The following TRPC5 variants were observed in gnomAD, a reference collection of about 807,000 sequenced individuals.
The protein encoded by TRPC5 is transient receptor potential cation channel subfamily C member 5.
Under a neutral mutation model 56.5 loss-of-function variants are expected in TRPC5, and 9 were observed. The observed-to-expected ratio is 0.16, with a 90% CI of 0.10 to 0.28. TRPC5 has a LOEUF of 0.28. Ranked by LOEUF, TRPC5 falls within the 10% of genes least tolerant of loss-of-function variation. TRPC5 has a pLI of 1.00. For synonymous variants in TRPC5, 282 were observed against 278.5 expected (o/e 1.01, Z -0.13); for missense variants, 469 against 748.9 (o/e 0.63, Z 4.36).
Position 111,779,034 on chromosome X carries a change from A to G in TRPC5, c.2183T>C (p.Met728Thr), listed in dbSNP as rs949529760. The change falls in exon 10 of 11, where the codon ATG (methionine) becomes ACG (threonine). Residue 728 changes from methionine to threonine, a missense_variant. By Grantham distance (81) the Met-to-Thr change is moderately conservative (BLOSUM62 -1). Coordinates refer to ENST00000262839, the MANE Select transcript of TRPC5 (RefSeq NM_012471.3). The stretch of plus-strand genomic sequence containing the variant: ...CTCATGTGTTTTGGAATTTCTTATC[A>G]TAGCAGCCACATATCTTTTGACTAA... ...RNLVKRYVAA[M>T]IRNSKTHEGL... is the part of the protein sequence containing the mutation. 2 of 1,205,456 alleles carry G rather than the reference A, an allele frequency of 1.7e-6. No individual in the cohort carries two copies. The highest frequency in any genetic ancestry group is 2.2e-6 in the Non-Finnish European group (2 of 892,482).
chrX:111,928,186 C>T (rs896007639), intron 2 of TRPC5, among the ~76,000 whole-genome samples: 2 of 111,460 alleles, frequency 1.8e-5, no homozygotes, highest in Admixed American at 9.5e-5. Context: ...TCATGATAAA[C>T]AATTGATTAT....
intron 2 of TRPC5, among the ~76,000 whole-genome samples, chrX:111,933,863 A>G (rs1380861615): frequency 9.0e-6 from 1 of 110,737 alleles, no homozygotes; most frequent in Admixed American, 9.6e-5. Context: ...ACATCCCCCA[A>G]AATAATTTAT....
At chrX:111,899,282 T>C (rs1330906651) in intron 3 of TRPC5, among the ~76,000 whole-genome samples, 1 of 111,791 alleles carries the variant, frequency 8.9e-6, no homozygotes, top group Non-Finnish European at 1.9e-5. Context: ...TACATTTCTC[T>C]TATAAGAGAG....
intron 7 of TRPC5, among the ~76,000 whole-genome samples, chrX:111,823,421 G>A (rs756120685): frequency 3.6e-5 from 4 of 111,795 alleles, no homozygotes; most frequent in Non-Finnish European, 7.5e-5. Flanking sequence ...GAGGCTTTAG[G>A]CATGCAAAGA....
intron 7 of TRPC5, among the ~76,000 whole-genome samples, chrX:111,806,101 T>A (rs1480180105): frequency 8.9e-5 from 10 of 112,334 alleles, no homozygotes; most frequent in Non-Finnish European, 1.7e-4. Flanking sequence ...ATTTTCTATA[T>A]CATGAATTTT....
At chrX:112,006,893 C>T (rs1254234191) in intron 1 of TRPC5, among the ~76,000 whole-genome samples, 1 of 111,442 alleles carries the variant, frequency 9.0e-6, no homozygotes, top group African/African-American at 3.3e-5. Context: ...AATTGCAGGG[C>T]TCCTTGTTAA....
At chrX:112,055,130 C>G (rs1036606932) in intron 1 of TRPC5, among the ~76,000 whole-genome samples, 2 of 112,276 alleles carry the variant, frequency 1.8e-5, no homozygotes, top group South Asian at 7.3e-4. Context: ...ATTATACTGT[C>G]TAGTTTTAAT....
intron 7 of TRPC5, among the ~76,000 whole-genome samples, chrX:111,812,365 C>T (rs1921736894): frequency 9.0e-6 from 1 of 111,313 alleles, no homozygotes; most frequent in Non-Finnish European, 1.9e-5. Context: ...TTTAGCTAAG[C>T]ATTTTGAAAA....
At chrX:112,077,958 G>C (rs1242292122) in intron 1 of TRPC5, among the ~76,000 whole-genome samples, 1 of 110,982 alleles carries the variant, frequency 9.0e-6, no homozygotes, top group Non-Finnish European at 1.9e-5. Flanking sequence ...ACATGCATTT[G>C]GGGGGCTGAT....
At chrX:112,080,395 TACACACACACACACACACAC>T (rs201063739) in intron 1 of TRPC5, among the ~76,000 whole-genome samples, 40 of 79,177 alleles carry the variant, frequency 5.1e-4, no homozygotes, top group African/African-American at 1.8e-3. Context: ...AAAAACTACA[TACACACACACACACACACAC>T]ACACACACAC....
rs1472244501 is a variant in TRPC5, at chrX:112,081,953, C to T, written c.-96G>A. 9.0e-6 allele frequency: 1 copy of T among 111,721 alleles called. No homozygotes were observed. The highest frequency in any genetic ancestry group is 1.9e-5 in the Non-Finnish European group (1 of 53,213). The allele number at this position is 111,721 out of a possible 1,213,427, so 9.2% of individuals were successfully genotyped here. ...ACCGGCCAGGATGCGTGGTGCGGCG[C>T]CTTGCCGGACTCCTCTTTTGCGGCG... On this transcript the variant is annotated 5_prime_UTR_variant, in exon 1 of 11. Transcript: ENST00000262839.
At chrX:111,983,657 GAAC>G (rs1163554680) in intron 1 of TRPC5, among the ~76,000 whole-genome samples, 2 of 111,386 alleles carry the variant, frequency 1.8e-5, no homozygotes, top group Non-Finnish European at 3.8e-5. Flanking sequence ...TCAAGCTAGT[GAAC>G]AACTAGGTAC....
At chrX:111,918,089 C>T (rs1165237020) in intron 2 of TRPC5, among the ~76,000 whole-genome samples, 1 of 110,712 alleles carries the variant, frequency 9.0e-6, no homozygotes. Context: ...AAAGAGGGGG[C>T]TTGTGGGTAG....
intron 3 of TRPC5, among the ~76,000 whole-genome samples, chrX:111,877,987 G>C (rs922347913): frequency 6.3e-5 from 7 of 111,349 alleles, no homozygotes; most frequent in African/African-American, 2.3e-4. Context: ...TTTCTATGGA[G>C]TCCTGAAATC....
At chrX:112,023,246 GTTTTTTTTTTTTTTTTTTTTT>G (rs1163231468) in intron 1 of TRPC5, among the ~76,000 whole-genome samples, 1 of 56,680 alleles carries the variant, frequency 1.8e-5, no homozygotes, top group African/African-American at 6.8e-5. Flanking sequence ...TTTTTTTTTT[GTTTTTTTTTTTTTTTTTTTTT>G]TTTTTTTTAC....
intron 7 of TRPC5, among the ~76,000 whole-genome samples, chrX:111,813,801 T>A (rs752376181): frequency 1.8e-5 from 2 of 112,343 alleles, no homozygotes; most frequent in Non-Finnish European, 3.8e-5. Flanking sequence ...GGTAGTTACC[T>A]ACTTCACTTG....
At chrX:111,964,702 G>A (rs1290641783) in intron 1 of TRPC5, among the ~76,000 whole-genome samples, 1 of 111,765 alleles carries the variant, frequency 8.9e-6, no homozygotes, top group African/African-American at 3.3e-5. Flanking sequence ...TTTCAACCCA[G>A]AATTTCATAT....
chrX:111,780,200 G>A (rs778673946), intron 9 of TRPC5, among the ~76,000 whole-genome samples: 1 of 111,064 alleles, frequency 9.0e-6, no homozygotes, highest in South Asian at 3.8e-4. Flanking sequence ...GATTTGCAAG[G>A]ATTATTCTCA....
At chrX:111,780,532 G>A (rs999610851) in intron 9 of TRPC5, among the ~76,000 whole-genome samples, 4 of 110,402 alleles carry the variant, frequency 3.6e-5, no homozygotes, top group Admixed American at 9.7e-5. Flanking sequence ...TTGGTCCCAG[G>A]ACCCCCCGCC....
Sources: allele counts gnomAD v4.1 joint callset (sites outside exome capture counted in the v4.1 genomes callset), GRCh38; gene constraint gnomAD v4.1.1; transcripts MANE v1.5; gene names NCBI Gene and HGNC (gene_info 2026-07-23, HGNC 2026-07-21).